Variants in RBM19 observed in about 807,000 individuals in gnomAD.
RBM19 encodes probable RNA-binding protein 19.
A neutral mutation model predicts 116.8 loss-of-function variants in RBM19; 94 were observed. The ratio of observed to expected loss-of-function variants is 0.80; its 90% CI spans 0.68 to 0.95. RBM19 has a LOEUF of 0.95. RBM19 is among the 40% of genes least tolerant of loss of function. RBM19 has a pLI of 0.00. For missense variants in RBM19, 1,161 were observed against 1,220.7 expected, an observed-to-expected ratio of 0.95 and a Z score of 0.73; for synonymous variants, 475 against 494.1, an observed-to-expected ratio of 0.96 and a Z score of 0.51.
chr12:113,871,822 G>T (rs1349434470), intron 21 of RBM19, among the ~76,000 whole-genome samples: 1 of 151,392 alleles, frequency 6.6e-6, no homozygotes, highest in African/African-American at 2.4e-5. Flanking sequence ...CGCCGCGCCG[G>T]CGAGCGCCGC....
chr12:113,854,833 G>A (rs1419663761), intron 22 of RBM19, among the ~76,000 whole-genome samples: 1 of 152,228 alleles, frequency 6.6e-6, no homozygotes, highest in Non-Finnish European at 1.5e-5. Context: ...CGAGACTGGG[G>A]AGGGAGACTG....
Position 113,947,433 on chromosome 12 carries a change from G to C in RBM19, c.1308C>G (p.Asp436Glu), listed in dbSNP as rs1871122326. 1 of 1,610,372 alleles carries C rather than the reference G, an allele frequency of 6.2e-7. No individual in the cohort carries two copies. Among genetic ancestry groups the C allele is most frequent in the African/African-American group, 1.3e-5 (1 of 75,026 alleles). The change falls in exon 11 of 24, where the codon GAC (aspartate) becomes GAG (glutamate). Residue 436 changes from aspartate (D) to glutamate (E), a missense_variant. Asp to Glu is a conservative substitution (Grantham distance 45). Transcript: ENST00000261741. ...AACCCTTGGGTTTCTTGGTCAGGCTGTCGATGGGGTAGTGGAGCTCAGACA... is the reference window on the plus strand; with the variant it reads ...AACCCTTGGGTTTCTTGGTCAGGCTCTCGATGGGGTAGTGGAGCTCAGACA... ...GPLSELHYPI[D>E]SLTKKPKGFA...
chr12:113,845,970 GTTCT>G (rs1437424199), intron 22 of RBM19, among the ~76,000 whole-genome samples: 1 of 152,194 alleles, frequency 6.6e-6, no homozygotes, highest in Non-Finnish European at 1.5e-5. Context: ...AATCTCAAGG[GTTCT>G]AGGGACAAAA....
intron 6 of RBM19, 152 bp downstream of exon 6, chr12:113,957,630 G>A (rs916528464): frequency 1.4e-5 from 17 of 1,207,998 alleles, no homozygotes; most frequent in South Asian, 3.6e-5. Flanking sequence ...AACACACGGC[G>A]AGCAAGCGGC....
intron 22 of RBM19, among the ~76,000 whole-genome samples, chr12:113,849,744 G>A (rs533252645): frequency 1.2e-3 from 186 of 152,290 alleles, no homozygotes; most frequent in South Asian, 0.012. Context: ...CAAAACGAAC[G>A]TCACAGAAGA....
chr12:113,853,546 A>G (rs1877639134), intron 22 of RBM19, among the ~76,000 whole-genome samples: 2 of 152,190 alleles, frequency 1.3e-5, no homozygotes, highest in Admixed American at 1.3e-4. Context: ...CTGCAAGTCT[A>G]TTCTTTGTGG....
At chr12:113,852,489 G>T (rs1429137069) in intron 22 of RBM19, among the ~76,000 whole-genome samples, 1 of 152,190 alleles carries the variant, frequency 6.6e-6, no homozygotes, top group Non-Finnish European at 1.5e-5. Flanking sequence ...CACGTCACAT[G>T]CACACCTGAA....
rs188114680 is a variant in RBM19 at position 113,884,730 on chromosome 12, C to T, written c.2559-25834G>A. On this transcript the variant is annotated intron_variant, in intron 21 of 23. Transcript: ENST00000261741. ...AGTACAAGATGAATCTGAAATATCTCCATAGAAAACACTTAAGAAAGAATA... is the reference window on the plus strand; with the variant it reads ...AGTACAAGATGAATCTGAAATATCTTCATAGAAAACACTTAAGAAAGAATA... 3.4e-3 allele frequency among the ~76,000 whole-genome samples: 519 copies of T among 152,014 alleles called. 4 individuals are homozygous for T. The highest frequency in any genetic ancestry group is 3.4e-3 in the Non-Finnish European group (230 of 67,990).
intron 15 of RBM19, among the ~76,000 whole-genome samples, chr12:113,939,566 G>A (rs188502456): frequency 8.2e-4 from 125 of 151,646 alleles, no homozygotes; most frequent in African/African-American, 2.7e-3. Context: ...TGGTGAACAC[G>A]GTGAAACCCC....
chr12:113,918,816 T>C (rs1211004119), intron 19 of RBM19, among the ~76,000 whole-genome samples: 2 of 152,232 alleles, frequency 1.3e-5, no homozygotes, highest in Non-Finnish European at 2.9e-5. Flanking sequence ...CTGAAAAATA[T>C]TCTAAATCCT....
chr12:113,844,393 T>C (rs980792067), intron 23 of RBM19, among the ~76,000 whole-genome samples: 7 of 152,202 alleles, frequency 4.6e-5, no homozygotes, highest in Non-Finnish European at 1.0e-4. Flanking sequence ...CCTCTGTCTC[T>C]TCCTGCCAAG....
intron 21 of RBM19, among the ~76,000 whole-genome samples, chr12:113,863,219 G>A (rs2384295): frequency 6.6e-6 from 1 of 150,892 alleles, no homozygotes; most frequent in African/African-American, 2.4e-5. Context: ...GTCTGTGTGT[G>A]TGTGTGTGTG....
intron 21 of RBM19, among the ~76,000 whole-genome samples, chr12:113,878,038 G>A (rs1022637561): frequency 1.3e-5 from 2 of 152,134 alleles, no homozygotes; most frequent in Admixed American, 6.5e-5. Flanking sequence ...CTTATGTCTC[G>A]TCTACGGCTG....
intron 12 of RBM19, 38 bp from the exon 13 acceptor site, chr12:113,945,962 G>A: frequency 6.7e-7 from 1 of 1,498,188 alleles, no homozygotes; most frequent in Non-Finnish European, 9.3e-7. Flanking sequence ...TCAGACCGCA[G>A]CTGGATGAGG....
At chr12:113,870,522 T>C (rs1879136576) in intron 21 of RBM19, among the ~76,000 whole-genome samples, 1 of 152,142 alleles carries the variant, frequency 6.6e-6, no homozygotes, top group African/African-American at 2.4e-5. Flanking sequence ...GCAGGAATCT[T>C]CCAAAGACCT....
intron 23 of RBM19, among the ~76,000 whole-genome samples, chr12:113,826,244 C>T (rs1490997833): frequency 1.3e-5 from 2 of 152,232 alleles, no homozygotes. Context: ...GCATGTCTCC[C>T]GGTCTCACTG....
At chr12:113,894,826 G>A (rs188778409) in intron 21 of RBM19, among the ~76,000 whole-genome samples, 1 of 152,358 alleles carries the variant, frequency 6.6e-6, no homozygotes, top group Non-Finnish European at 1.5e-5. Context: ...TTTGCAGACA[G>A]TCAAGTGGGA....
chr12:113,955,045 C>T (rs1871793543), intron 7 of RBM19, 86 bp downstream of exon 7: 7 of 1,320,544 alleles, frequency 5.3e-6, no homozygotes, highest in African/African-American at 2.9e-5. Flanking sequence ...GACTCTAATG[C>T]CCCCATGCAC....
chr12:113,899,738 C>T (rs897115876), intron 21 of RBM19, among the ~76,000 whole-genome samples: 2 of 152,162 alleles, frequency 1.3e-5, no homozygotes, highest in African/African-American at 4.8e-5. Flanking sequence ...GAAAACTCTG[C>T]GATGCGTGAG....
Sources: gnomAD v4.1 joint callset for allele counts (sites outside exome capture counted in the v4.1 genomes callset) on GRCh38, gnomAD v4.1.1 for gene constraint, MANE v1.5 for transcripts, NCBI Gene and HGNC (gene_info 2026-07-23, HGNC 2026-07-21) for gene names.